Variants in SH3BGRL observed in about 807,000 individuals in gnomAD.
SH3BGRL encodes the protein adapter SH3BGRL.
A neutral mutation model predicts 9.8 loss-of-function variants in SH3BGRL; 7 were observed. That is an observed-to-expected ratio of 0.72 (90% confidence interval 0.41 to 1.35). The LOEUF is 1.35. SH3BGRL is among the 40% of genes most tolerant of loss of function. The pLI, the probability that SH3BGRL is intolerant of heterozygous loss-of-function variation, is 0.01. For missense variants in SH3BGRL, 73 were observed against 84.4 expected, an observed-to-expected ratio of 0.86 and a Z score of 0.53; for synonymous variants, 36 against 29.1, an observed-to-expected ratio of 1.24 and a Z score of -0.76.
At position 81,286,779 on chromosome X, in the gene SH3BGRL, G is replaced by A. The variant is rs779294318; in HGVS notation, c.312+8368G>A. On this transcript the variant is annotated intron_variant, in intron 3 of 3. Coordinates refer to ENST00000373212, the MANE Select transcript of SH3BGRL (RefSeq NM_003022.3). ...GGAATGATGTTTACATTGGGAATACGGAGGAAGAGAACATTATATGCTTGC... is the reference window on the plus strand; with the variant it reads ...GGAATGATGTTTACATTGGGAATACAGAGGAAGAGAACATTATATGCTTGC... 7.2e-5 allele frequency among the ~76,000 whole-genome samples: 8 copies of A among 111,243 alleles called. No homozygotes were observed. The East Asian group carries it at 1.7e-3, about 24-fold the overall frequency.
At chrX:81,217,155 T>C (rs950411834) in intron 1 of SH3BGRL, among the ~76,000 whole-genome samples, 15 of 111,336 alleles carry the variant, frequency 1.3e-4, no homozygotes, top group African/African-American at 4.9e-4. Flanking sequence ...TATTTATTTG[T>C]ATCTTCTCTC....
chrX:81,228,054 T>G (rs2147677805), intron 1 of SH3BGRL, among the ~76,000 whole-genome samples: 1 of 111,927 alleles, frequency 8.9e-6, no homozygotes, highest in South Asian at 3.7e-4. Context: ...TATGAATGGG[T>G]TTAAATAGAA....
intron 1 of SH3BGRL, among the ~76,000 whole-genome samples, chrX:81,204,068 C>A (rs1173381190): frequency 3.6e-5 from 4 of 111,444 alleles, no homozygotes; most frequent in Non-Finnish European, 5.6e-5. Context: ...TCTTCAGTGT[C>A]TATTCTTCCC....
Position 81,276,998 on chromosome X carries a change from A to G in SH3BGRL, c.60A>G (p.Gln20=). 22 of 1,207,902 alleles carry G rather than the reference A, an allele frequency of 1.8e-5. No homozygotes were observed. The highest frequency in any genetic ancestry group is 2.5e-5 in the Non-Finnish European group (22 of 893,758). ...TTTGGTCCTAGATTAAGAAGAAACA[A>G]CAAGATGTGCTTGGTTTCCTAGAAG... is the stretch of plus-strand genomic sequence containing the variant. ...SSGSTAIKKK[Q]QDVLGFLEAN... The change falls in exon 2 of 4, where the codon CAA becomes CAG. Residue 20 remains glutamine, a synonymous_variant. Coordinates refer to ENST00000373212, the MANE Select transcript of SH3BGRL (RefSeq NM_003022.3).
intron 3 of SH3BGRL, among the ~76,000 whole-genome samples, chrX:81,296,315 G>T (rs1332452094): frequency 9.0e-6 from 1 of 111,715 alleles, no homozygotes; most frequent in Non-Finnish European, 1.9e-5. Context: ...TTTCGGTGGG[G>T]ACACAGAGCC....
intron 3 of SH3BGRL, among the ~76,000 whole-genome samples, chrX:81,279,672 A>G (rs1424454030): frequency 9.0e-6 from 1 of 111,481 alleles, no homozygotes; most frequent in Non-Finnish European, 1.9e-5. Context: ...AGCAACAGGA[A>G]GGCCCTGGTA....
chrX:81,261,013 A>G (rs2075739664), intron 1 of SH3BGRL, among the ~76,000 whole-genome samples: 1 of 102,227 alleles, frequency 9.8e-6, no homozygotes, highest in Admixed American at 1.0e-4. Flanking sequence ...GGTAAGTAGA[A>G]GTTAAATTTA....
chrX:81,242,898 G>A (rs1328775831), intron 1 of SH3BGRL, among the ~76,000 whole-genome samples: 2 of 111,788 alleles, frequency 1.8e-5, no homozygotes, highest in Non-Finnish European at 3.8e-5. Context: ...AAATTCTGGT[G>A]AGGATGTGGA....
At position 81,297,360 on chromosome X, in the gene SH3BGRL, A is replaced by G. The variant is rs971903365; in HGVS notation, c.*133A>G. 2.7e-5 allele frequency: 13 copies of G among 490,078 alleles called. No individual in the cohort carries two copies. The African/African-American group carries it at 2.9e-4, about 11-fold the overall frequency. 40.4% of individuals were successfully genotyped at this position (490,078 alleles called of 1,213,427 possible). A position where few individuals can be genotyped will look rare whatever the true frequency, so the allele number is the denominator to read the frequency against. On this transcript the variant is annotated 3_prime_UTR_variant, in exon 4 of 4. Transcript: ENST00000373212. The stretch of plus-strand genomic sequence containing the variant: ...TAGATTAGTTGGGTTTTCACATGCA[A>G]ACATTCAAAATGAATACAAAATTAA...
rs191427760 is a variant in SH3BGRL at position 81,220,375 on chromosome X, A to G, written c.45+18130A>G. Among the ~76,000 whole-genome samples, 29 of 110,916 alleles carry G rather than the reference A, an allele frequency of 2.6e-4. No homozygotes were observed. The East Asian group carries it at 3.7e-3, about 14-fold the overall frequency. On this transcript the variant is annotated intron_variant, in intron 1 of 3. Transcript: ENST00000373212. Reference sequence around the variant, plus strand: ...GTTGTATCTGTCTAGGAATTTATCAATTTCTTCTGGGTTTTCCAATTAATT... The same window carrying G: ...GTTGTATCTGTCTAGGAATTTATCAGTTTCTTCTGGGTTTTCCAATTAATT...
intron 1 of SH3BGRL, among the ~76,000 whole-genome samples, chrX:81,267,251 G>A (rs948074824): frequency 8.9e-6 from 1 of 111,909 alleles, no homozygotes; most frequent in Non-Finnish European, 1.9e-5. Context: ...ATGTTGAATA[G>A]GAGTGGTGAG....
At chrX:81,209,998 T>A (rs773181864) in intron 1 of SH3BGRL, among the ~76,000 whole-genome samples, 5 of 111,603 alleles carry the variant, frequency 4.5e-5, no homozygotes, top group Non-Finnish European at 9.4e-5. Context: ...AAATCTAAAT[T>A]AACCAGGAAG....
chrX:81,269,990 T>C (rs2075772566), intron 1 of SH3BGRL, among the ~76,000 whole-genome samples: 1 of 110,364 alleles, frequency 9.1e-6, no homozygotes, highest in Non-Finnish European at 1.9e-5. Context: ...GTGATATCCT[T>C]TCCTTCTGCT....
At chrX:81,244,077 A>G (rs2075680493) in intron 1 of SH3BGRL, among the ~76,000 whole-genome samples, 1 of 111,843 alleles carries the variant, frequency 8.9e-6, no homozygotes, top group South Asian at 3.7e-4. Context: ...AGTCATCTTT[A>G]TTGAGTTATT....
At chrX:81,291,990 A>T (rs1187410762) in intron 3 of SH3BGRL, among the ~76,000 whole-genome samples, 1 of 111,898 alleles carries the variant, frequency 8.9e-6, no homozygotes, top group Non-Finnish European at 1.9e-5. Flanking sequence ...AACTGCACTC[A>T]TGGGCTGGTG....
At chrX:81,252,654 TA>T (rs2075714513) in intron 1 of SH3BGRL, among the ~76,000 whole-genome samples, 1 of 112,210 alleles carries the variant, frequency 8.9e-6, no homozygotes, top group Admixed American at 9.4e-5. Flanking sequence ...ATAGTGTTTT[TA>T]AAAAGTTTAT....
At chrX:81,288,162 A>G (rs914374065) in intron 3 of SH3BGRL, among the ~76,000 whole-genome samples, 2 of 112,281 alleles carry the variant, frequency 1.8e-5, no homozygotes, top group Admixed American at 9.4e-5. Flanking sequence ...GTGACACATT[A>G]TATCAACAGA....
At chrX:81,256,444 C>G in intron 1 of SH3BGRL, among the ~76,000 whole-genome samples, 1 of 111,865 alleles carries the variant, frequency 8.9e-6, no homozygotes, top group Non-Finnish European at 1.9e-5. Context: ...GGATCATTAT[C>G]AAGATATAAT....
intron 1 of SH3BGRL, among the ~76,000 whole-genome samples, chrX:81,245,279 G>C (rs2075684724): frequency 9.0e-6 from 1 of 111,697 alleles, no homozygotes; most frequent in South Asian, 3.7e-4. Flanking sequence ...TCTGTATTCT[G>C]AGGCACACAA....
Sources: allele counts gnomAD v4.1 joint callset (sites outside exome capture counted in the v4.1 genomes callset), GRCh38; gene constraint gnomAD v4.1.1; transcripts MANE v1.5; gene names NCBI Gene and HGNC (gene_info 2026-07-23, HGNC 2026-07-21).